NXPE2: variants seen among roughly 807,000 people sequenced by gnomAD.
NXPE2 encodes the protein NXPE family member 2.
Under a neutral mutation model 34.4 loss-of-function variants are expected in NXPE2, and 34 were observed. The observed-to-expected ratio is 0.99, with a 90% CI of 0.75 to 1.31. The LOEUF (loss-of-function observed/expected upper bound fraction) is 1.31. NXPE2 is among the 40% of genes most tolerant of loss of function. NXPE2 has a pLI of 0.00. For synonymous variants in NXPE2, 235 were observed against 231.3 expected (o/e 1.02, Z -0.15); for missense variants, 649 against 672.5 (o/e 0.97, Z 0.39).
chr11:114,515,565 G>A, the NXPE2 span, among the ~76,000 whole-genome samples: 8 of 152,154 alleles, frequency 5.3e-5, no homozygotes, highest in African/African-American at 1.7e-4. Context: ...GGAAGAAAAG[G>A]AAATTGGAAC....
At chr11:114,542,874 T>C in the NXPE2 span, among the ~76,000 whole-genome samples, 1 of 152,156 alleles carries the variant, frequency 6.6e-6, no homozygotes, top group East Asian at 1.9e-4. Flanking sequence ...TGAATATATA[T>C]GATTATAACA....
the NXPE2 span, among the ~76,000 whole-genome samples, chr11:114,750,441 G>A: frequency 6.6e-6 from 1 of 152,048 alleles, no homozygotes; most frequent in Non-Finnish European, 1.5e-5. Flanking sequence ...AGATTTTATT[G>A]GCATCTATCC....
At chr11:114,555,701 C>T in the NXPE2 span, among the ~76,000 whole-genome samples, 8 of 152,092 alleles carry the variant, frequency 5.3e-5, no homozygotes, top group Non-Finnish European at 8.8e-5. Context: ...TTTCTGGCCC[C>T]GGATAATCAC....
At chr11:114,505,380 A>G in the NXPE2 span, among the ~76,000 whole-genome samples, 139 of 152,300 alleles carry the variant, frequency 9.1e-4, no homozygotes, top group Middle Eastern at 6.8e-3. Context: ...AGAGAACCCC[A>G]GTAAAATACT....
chr11:114,690,043 G>A (rs1951121520), intron 2 of NXPE2, among the ~76,000 whole-genome samples: 1 of 151,994 alleles, frequency 6.6e-6, no homozygotes. Context: ...AATCCAGTTT[G>A]CCACTCTATG....
the NXPE2 span, chr11:114,595,524 G>A: frequency 6.6e-6 from 1 of 152,198 alleles, no homozygotes; most frequent in African/African-American, 2.4e-5. Context: ...GGCATTAGAT[G>A]TTTCTGCACC....
At chr11:114,791,274 G>C in the NXPE2 span, among the ~76,000 whole-genome samples, 93 of 152,048 alleles carry the variant, frequency 6.1e-4, 1 homozygote, top group African/African-American at 2.2e-3. Context: ...AAAATGCTTT[G>C]CTGTTGGTGG....
the NXPE2 span, among the ~76,000 whole-genome samples, chr11:114,580,750 C>G: frequency 6.6e-6 from 1 of 152,108 alleles, no homozygotes; most frequent in African/African-American, 2.4e-5. Context: ...AAATATAAAT[C>G]CTTTGAGTTA....
At chr11:114,651,367 G>C in the NXPE2 span, among the ~76,000 whole-genome samples, 1 of 152,006 alleles carries the variant, frequency 6.6e-6, no homozygotes, top group Non-Finnish European at 1.5e-5. Flanking sequence ...TGTTCCTCCT[G>C]GTGGGTTCGT....
chr11:114,678,661 T>C (rs1014025789), intron 1 of NXPE2, 60 bp downstream of exon 1: 11 of 1,340,536 alleles, frequency 8.2e-6, no homozygotes, highest in Non-Finnish European at 1.1e-5. Context: ...GGGAGAACTA[T>C]AGACCATTTG....
chr11:114,598,772 C>A, the NXPE2 span, among the ~76,000 whole-genome samples: 1 of 152,110 alleles, frequency 6.6e-6, no homozygotes, highest in Non-Finnish European at 1.5e-5. Flanking sequence ...CCATTCTTCC[C>A]TTCTAGGCCT....
the NXPE2 span, among the ~76,000 whole-genome samples, chr11:114,621,049 T>A: frequency 6.6e-6 from 1 of 152,190 alleles, no homozygotes; most frequent in East Asian, 1.9e-4. Flanking sequence ...CAATAAGTGT[T>A]GCCTCGTTGG....
the NXPE2 span, among the ~76,000 whole-genome samples, chr11:114,746,466 C>T: frequency 3.3e-5 from 5 of 152,046 alleles, no homozygotes; most frequent in South Asian, 2.1e-4. Context: ...ACCAGAGGTG[C>T]GTGAGAAAAC....
chr11:114,766,408 C>G, the NXPE2 span, among the ~76,000 whole-genome samples: 316 of 152,276 alleles, frequency 2.1e-3, no homozygotes, highest in African/African-American at 7.4e-3. Context: ...TACTCACTGA[C>G]TCTACATCTA....
At chr11:114,550,425 T>C in the NXPE2 span, among the ~76,000 whole-genome samples, 2 of 152,152 alleles carry the variant, frequency 1.3e-5, no homozygotes, top group Admixed American at 6.6e-5. Flanking sequence ...CCTCATTATA[T>C]ATACAAATTT....
At chr11:114,693,766 T>C (rs1028599467) in intron 2 of NXPE2, among the ~76,000 whole-genome samples, 7 of 152,212 alleles carry the variant, frequency 4.6e-5, no homozygotes, top group Middle Eastern at 3.2e-3. Flanking sequence ...TGCAAGAGAA[T>C]AGAAATCAGG....
the NXPE2 span, among the ~76,000 whole-genome samples, chr11:114,752,011 C>T: frequency 2.5e-3 from 384 of 152,344 alleles, no homozygotes; most frequent in African/African-American, 8.8e-3. Context: ...GCCCTGCTGA[C>T]ATTTTGACCT....
chr11:114,693,643 A>C (rs1951194412), intron 2 of NXPE2, among the ~76,000 whole-genome samples: 1 of 152,186 alleles, frequency 6.6e-6, no homozygotes, highest in African/African-American at 2.4e-5. Context: ...AAATAAAATC[A>C]AAATTATCAT....
At chr11:114,654,913 T>G in the NXPE2 span, among the ~76,000 whole-genome samples, 3 of 152,214 alleles carry the variant, frequency 2.0e-5, no homozygotes, top group East Asian at 3.9e-4. Context: ...TCCACAATGA[T>G]TGAACTAATC....
Sources: gnomAD v4.1 joint callset for allele counts (sites outside exome capture counted in the v4.1 genomes callset) on GRCh38, gnomAD v4.1.1 for gene constraint, MANE v1.5 for transcripts, NCBI Gene and HGNC (gene_info 2026-07-23, HGNC 2026-07-21) for gene names.